CDK5RAP2: variants seen among roughly 807,000 people sequenced by gnomAD.
The protein encoded by CDK5RAP2 is CDK5 regulatory subunit-associated protein 2.
In CDK5RAP2, 147 loss-of-function variants were observed where a neutral mutation model predicts 232.9. The ratio of observed to expected loss-of-function variants is 0.63; its 90% CI spans 0.55 to 0.72. The LOEUF (loss-of-function observed/expected upper bound fraction) is 0.72. Ranked by LOEUF, CDK5RAP2 falls within the 30% of genes least tolerant of loss-of-function variation. CDK5RAP2 has a pLI of 0.00. For missense variants in CDK5RAP2, 2,195 were observed against 2,231.5 expected, an observed-to-expected ratio of 0.98 and a Z score of 0.33; for synonymous variants, 833 against 833.7, an observed-to-expected ratio of 1.00 and a Z score of 0.01.
intron 21 of CDK5RAP2, among the ~76,000 whole-genome samples, chr9:120,448,438 G>A (rs1322796495): frequency 1.3e-5 from 2 of 152,132 alleles, no homozygotes; most frequent in African/African-American, 4.8e-5. Flanking sequence ...ATGTTATTTT[G>A]CTCCTTATCT....
At chr9:120,566,821 T>C (rs953366212) in intron 3 of CDK5RAP2, among the ~76,000 whole-genome samples, 1 of 152,224 alleles carries the variant, frequency 6.6e-6, no homozygotes, top group Non-Finnish European at 1.5e-5. Context: ...ATCACATCCC[T>C]GGGCCTCAGT....
At chr9:120,528,374 T>TA (rs1459715157) in intron 9 of CDK5RAP2, among the ~76,000 whole-genome samples, 1 of 152,182 alleles carries the variant, frequency 6.6e-6, no homozygotes, top group Non-Finnish European at 1.5e-5. Context: ...TCAAACAGGA[T>TA]AATGGATGTG....
At position 120,439,642 on chromosome 9, in the gene CDK5RAP2, G is replaced by A; in HGVS notation, c.3479C>T (p.Pro1160Leu). Residue 1160 changes from proline (P) to leucine (L), a missense_variant, in exon 24 of 38, where the codon CCC becomes CTC. Pro to Leu is a moderately conservative substitution (Grantham distance 98). Transcript: ENST00000349780. ...TTCTTCCCCATCAGAACCATTCTTG[G>A]GCTTGCTCAAGCCATCCTGGGCCCC... Reference protein sequence around the residue: ...TEGAQDGLSKPKNGSDGEEMT... With the variant: ...TEGAQDGLSKLKNGSDGEEMT... The A allele has an allele frequency of 6.2e-7, 1 of 1,614,118 alleles. No individual in the cohort carries two copies.
intron 27 of CDK5RAP2, among the ~76,000 whole-genome samples, chr9:120,415,573 A>C (rs1209437307): frequency 6.6e-6 from 1 of 152,218 alleles, no homozygotes; most frequent in Non-Finnish European, 1.5e-5. Flanking sequence ...TATTTTCGAG[A>C]CTAATTTTTT....
At chr9:120,434,084 G>A (rs1275245739) in intron 25 of CDK5RAP2, among the ~76,000 whole-genome samples, 1 of 152,198 alleles carries the variant, frequency 6.6e-6, no homozygotes, top group Admixed American at 6.5e-5. Context: ...CATAACATGC[G>A]AGATGGTTGT....
At chr9:120,463,170 G>A (rs560603709) in intron 18 of CDK5RAP2, among the ~76,000 whole-genome samples, 2 of 152,236 alleles carry the variant, frequency 1.3e-5, no homozygotes, top group East Asian at 3.9e-4. Flanking sequence ...AGGAGATCGA[G>A]ACCATCCTGG....
At chr9:120,424,701 C>A (rs934026554) in intron 25 of CDK5RAP2, among the ~76,000 whole-genome samples, 1 of 136,412 alleles carries the variant, frequency 7.3e-6, no homozygotes, top group Non-Finnish European at 1.6e-5. Flanking sequence ...TCTCACAGCT[C>A]TTTTTTTTTT....
At chr9:120,460,851 G>T in intron 18 of CDK5RAP2, 184 bp from the exon 19 acceptor site, 2 of 948,190 alleles carry the variant, frequency 2.1e-6, no homozygotes, top group Non-Finnish European at 3.1e-6. Flanking sequence ...GCTAGTTGTG[G>T]CGAATCAGAC....
intron 14 of CDK5RAP2, among the ~76,000 whole-genome samples, chr9:120,485,496 T>C (rs987277138): frequency 1.3e-5 from 2 of 152,154 alleles, no homozygotes; most frequent in Non-Finnish European, 2.9e-5. Flanking sequence ...GGTTTCACCA[T>C]ATTGGCCAGG....
chr9:120,421,956 T>C (rs1445726843), intron 26 of CDK5RAP2, among the ~76,000 whole-genome samples: 5 of 152,228 alleles, frequency 3.3e-5, no homozygotes, highest in African/African-American at 1.2e-4. Context: ...AAACTTTATA[T>C]GGTGAGAACT....
At chr9:120,400,253 A>G (rs2032881252) in intron 35 of CDK5RAP2, among the ~76,000 whole-genome samples, 1 of 152,196 alleles carries the variant, frequency 6.6e-6, no homozygotes, top group Non-Finnish European at 1.5e-5. Context: ...TAAGTACTTA[A>G]AACAGATTTT....
chr9:120,575,504 A>G (rs988924693), intron 1 of CDK5RAP2, among the ~76,000 whole-genome samples: 1 of 152,348 alleles, frequency 6.6e-6, no homozygotes, highest in African/African-American at 2.4e-5. Flanking sequence ...CACTCAAACC[A>G]TAAGACCCAA....
chr9:120,555,858 A>G (rs999340742), intron 3 of CDK5RAP2, among the ~76,000 whole-genome samples: 1 of 152,268 alleles, frequency 6.6e-6, no homozygotes, highest in African/African-American at 2.4e-5. Flanking sequence ...ATGACAGAAT[A>G]GTGCTCAGCA....
intron 14 of CDK5RAP2, among the ~76,000 whole-genome samples, chr9:120,482,215 A>G (rs2038358803): frequency 6.6e-6 from 1 of 152,230 alleles, no homozygotes; most frequent in African/African-American, 2.4e-5. Flanking sequence ...CAGAGACTCC[A>G]GGAATGTATG....
chr9:120,449,362 C>T (rs1358967817), intron 21 of CDK5RAP2, among the ~76,000 whole-genome samples: 1 of 152,198 alleles, frequency 6.6e-6, no homozygotes. Flanking sequence ...CCTACATATC[C>T]CCTCAGAGAA....
chr9:120,421,859 A>C (rs11790661), intron 26 of CDK5RAP2, among the ~76,000 whole-genome samples: 4,497 of 152,364 alleles, frequency 0.03, 102 homozygotes, highest in South Asian at 0.05. Flanking sequence ...GGAGTGTGAC[A>C]GATTCAAGTT....
rs533576983 is a variant in CDK5RAP2 at position 120,509,855 on chromosome 9, A to T, written c.1311+8572T>A. 1.3e-4 allele frequency among the ~76,000 whole-genome samples: 20 copies of T among 152,188 alleles called. No individual in the cohort carries two copies. In the South Asian group the frequency reaches 4.2e-3, roughly 32 times the overall value. On this transcript the variant is annotated intron_variant, in intron 12 of 37. Transcript: ENST00000349780. ...GGAGCCAGGACTCCAAACCAGTTTG[A>T]CTCGTGTTTCTGGCTTCAGGCTTCT...
chr9:120,579,847 G>T (rs1022698058), intron 1 of CDK5RAP2, 73 bp downstream of exon 1: 200 of 1,264,788 alleles, frequency 1.6e-4, no homozygotes, highest in Non-Finnish European at 2.2e-4. Flanking sequence ...AAACCCCAAG[G>T]CCGCGTTAGA....
At chr9:120,457,901 T>C (rs1243654405) in intron 20 of CDK5RAP2, among the ~76,000 whole-genome samples, 1 of 152,166 alleles carries the variant, frequency 6.6e-6, no homozygotes, top group African/African-American at 2.4e-5. Context: ...CTGTTATGGA[T>C]GGACTAGGAA....
Sources: gnomAD v4.1 joint callset for allele counts (sites outside exome capture counted in the v4.1 genomes callset) on GRCh38, gnomAD v4.1.1 for gene constraint, MANE v1.5 for transcripts, NCBI Gene and HGNC (gene_info 2026-07-23, HGNC 2026-07-21) for gene names.